FBXO25: variants seen among roughly 807,000 people sequenced by gnomAD.
The protein encoded by FBXO25 is F-box only protein 25.
In FBXO25, 45 loss-of-function variants were observed where a neutral mutation model predicts 51.9. The ratio of observed to expected loss-of-function variants is 0.87; its 90% CI spans 0.68 to 1.11. FBXO25 has a LOEUF of 1.11. Among genes scored for constraint, FBXO25 ranks in the 50% most tolerant of loss-of-function variants. The probability of loss-of-function intolerance (pLI) is 0.00; values close to 1 mark genes in which losing one functional copy is unlikely to be tolerated. For synonymous variants in FBXO25, 199 were observed against 151.0 expected (o/e 1.32, Z -2.33); for missense variants, 507 against 428.5 (o/e 1.18, Z -1.62).
chr8:433,647 G>T, intron 4 of FBXO25, among the ~76,000 whole-genome samples: 1 of 152,186 alleles, frequency 6.6e-6, no homozygotes, highest in Non-Finnish European at 1.5e-5. Flanking sequence ...GATCCGGGAA[G>T]TTGAGTTCCT....
intron 9 of FBXO25, among the ~76,000 whole-genome samples, chr8:463,963 C>CT (rs11445664): frequency 0.043 from 6,477 of 149,424 alleles, 439 homozygotes; most frequent in African/African-American, 0.15. Flanking sequence ...TAATTCACTT[C>CT]TTTTTTTTGT....
rs1217919309 is a variant in FBXO25 at position 433,012 on chromosome 8, T to A, written c.288+77T>A. Reference sequence around the variant, plus strand: ...ATGGAGTCACATTAAATAAATGTATTAATAAAGTTGCATAAAACACATTTC... The same window carrying A: ...ATGGAGTCACATTAAATAAATGTATAAATAAAGTTGCATAAAACACATTTC... On this transcript the variant is annotated intron_variant, in intron 4 of 9. Transcript: ENST00000350302. 9 of 1,434,538 alleles carry A rather than the reference T, an allele frequency of 6.3e-6. No individual in the cohort carries two copies. The Admixed American group carries it at 2.6e-4, about 42-fold the overall frequency. 88.9% of individuals were successfully genotyped at this position (1,434,538 alleles called of 1,614,324 possible).
At chr8:467,104 C>G (rs1010186314) in intron 9 of FBXO25, among the ~76,000 whole-genome samples, 28 of 152,144 alleles carry the variant, frequency 1.8e-4, no homozygotes, top group African/African-American at 5.5e-4. Flanking sequence ...GTCTGGTGGT[C>G]CTGGTCTTGC....
At chr8:448,980 G>C (rs11990893) in intron 5 of FBXO25, among the ~76,000 whole-genome samples, 41,428 of 151,858 alleles carry the variant, frequency 0.27, 6,405 homozygotes, top group African/African-American at 0.42. Context: ...AGAACGCAAA[G>C]TTTTTCAAAA....
intron 2 of FBXO25, among the ~76,000 whole-genome samples, chr8:427,285 C>T (rs1563071215): frequency 6.6e-6 from 1 of 151,884 alleles, no homozygotes; most frequent in African/African-American, 2.4e-5. Context: ...AAGGAAATGT[C>T]AGAGGAGGCC....
chr8:418,852 C>T (rs1796978425), intron 2 of FBXO25, among the ~76,000 whole-genome samples: 2 of 152,054 alleles, frequency 1.3e-5, no homozygotes, highest in Non-Finnish European at 2.9e-5. Context: ...GAAAAGTGAA[C>T]CTCTACTACT....
At chr8:446,740 C>G (rs1798760549) in intron 5 of FBXO25, among the ~76,000 whole-genome samples, 1 of 152,158 alleles carries the variant, frequency 6.6e-6, no homozygotes. Flanking sequence ...GGCCAGTGCC[C>G]TCAACTGGTG....
At chr8:412,244 C>G (rs1321319986) in intron 1 of FBXO25, among the ~76,000 whole-genome samples, 1 of 152,130 alleles carries the variant, frequency 6.6e-6, no homozygotes. Context: ...CCCTGCTGTT[C>G]CTTCTGTATG....
At chr8:441,112 A>T (rs1585054696) in intron 5 of FBXO25, among the ~76,000 whole-genome samples, 1 of 151,096 alleles carries the variant, frequency 6.6e-6, no homozygotes, top group East Asian at 1.9e-4. Flanking sequence ...CTGACTTCAG[A>T]CTATATTACA....
intron 2 of FBXO25, among the ~76,000 whole-genome samples, chr8:419,206 A>G (rs1212616071): frequency 7.1e-6 from 1 of 141,114 alleles, no homozygotes; most frequent in Non-Finnish European, 1.5e-5. Flanking sequence ...CTAAAAATAC[A>G]AAAAAAAAAA....
intron 9 of FBXO25, chr8:467,696 G>T: frequency 3.7e-6 from 6 of 1,613,460 alleles, no homozygotes; most frequent in Non-Finnish European, 5.1e-6. Context: ...ATTCCTTCCT[G>T]ATTCTTTCTT....
In FBXO25 at chr8:477,166, T is replaced by TTTTGAAA. The variant is rs1395316601; in HGVS notation, c.*8367_*8373dup. On this transcript the variant is annotated 3_prime_UTR_variant, in exon 10 of 10. Transcript: ENST00000350302. Reference sequence around the variant, plus strand: ...GAAAAGATATTTTATTTCCTCAGTCTTTTGAAATTTGTTGACTTGTTTAGT... The same window carrying TTTTGAAA: ...GAAAAGATATTTTATTTCCTCAGTCTTTTGAAATTTGAAATTTGTTGACTTGTTTAGT... 6.6e-6 allele frequency: 1 copy of TTTTGAAA among 152,232 alleles called. No homozygotes were observed. Among genetic ancestry groups the TTTTGAAA allele is most frequent in the Non-Finnish European group, 1.5e-5 (1 of 68,040 alleles). The allele number at this position is 152,232 out of a possible 1,614,324, so 9.4% of individuals were successfully genotyped here.
chr8:422,159 A>ATT (rs1237454534), intron 2 of FBXO25, among the ~76,000 whole-genome samples: 1 of 152,182 alleles, frequency 6.6e-6, no homozygotes, highest in African/African-American at 2.4e-5. Context: ...GTCTCCCCCC[A>ATT]AATAGCTATT....
At chr8:417,479 T>C (rs1044149780) in intron 2 of FBXO25, among the ~76,000 whole-genome samples, 3 of 152,196 alleles carry the variant, frequency 2.0e-5, no homozygotes, top group Non-Finnish European at 4.4e-5. Context: ...ATGTGTATGG[T>C]GCAGTAAGAG....
chr8:424,453 A>T (rs1797348033), intron 2 of FBXO25, among the ~76,000 whole-genome samples: 1 of 152,180 alleles, frequency 6.6e-6, no homozygotes, highest in Admixed American at 6.5e-5. Flanking sequence ...CAACGTCAAG[A>T]AGAGTATTTC....
intron 2 of FBXO25, among the ~76,000 whole-genome samples, chr8:414,946 C>T (rs1796707683): frequency 1.3e-5 from 2 of 152,184 alleles, no homozygotes; most frequent in Admixed American, 1.3e-4. Context: ...GAAATCCAAA[C>T]CTGTGGGTAG....
At chr8:466,349 G>A (rs941054941) in intron 9 of FBXO25, among the ~76,000 whole-genome samples, 4 of 152,166 alleles carry the variant, frequency 2.6e-5, no homozygotes, top group Non-Finnish European at 5.9e-5. Context: ...CCCTCCTAGG[G>A]TCTTGGTTTG....
In FBXO25 at chr8:473,832, T is replaced by C. The variant is rs185646253; in HGVS notation, c.*5028T>C. Reference sequence around the variant, plus strand: ...CTCGTTTTTGCATGGAAATTTCATTTTTATTTGATAATCATTTGAGAAACT... The same window carrying C: ...CTCGTTTTTGCATGGAAATTTCATTCTTATTTGATAATCATTTGAGAAACT... On this transcript the variant is annotated 3_prime_UTR_variant, in exon 10 of 10. Transcript: ENST00000350302. 5.4e-4 allele frequency: 83 copies of C among 152,346 alleles called. No individual in the cohort carries two copies. The highest frequency in any genetic ancestry group is 1.8e-3 in the African/African-American group (75 of 41,588). The allele number at this position is 152,346 out of a possible 1,614,324, so 9.4% of individuals were successfully genotyped here.
At position 474,833 on chromosome 8, in the gene FBXO25, T is replaced by C. The variant is rs1800596541; in HGVS notation, c.*6029T>C. On this transcript the variant is annotated 3_prime_UTR_variant, in exon 10 of 10. Transcript: ENST00000350302. ...TTTGTTCTTTGATGTACAGAAGTTG[T>C]TTCTTTCTTTTAGTTACCTGTGTGT... 4.6e-6 allele frequency: 2 copies of C among 437,458 alleles called. No homozygotes were observed. The highest frequency in any genetic ancestry group is 4.1e-5 in the African/African-American group (2 of 48,640). 27.1% of individuals were successfully genotyped at this position (437,458 alleles called of 1,614,324 possible). A position where few individuals can be genotyped will look rare whatever the true frequency, so the allele number is the denominator to read the frequency against.
Sources: gnomAD v4.1 joint callset for allele counts (sites outside exome capture counted in the v4.1 genomes callset) on GRCh38, gnomAD v4.1.1 for gene constraint, MANE v1.5 for transcripts, NCBI Gene and HGNC (gene_info 2026-07-23, HGNC 2026-07-21) for gene names.